The following SLC33A1 variants were observed in gnomAD, a reference collection of about 807,000 sequenced individuals.
The protein encoded by SLC33A1 is solute carrier family 33 member 1, also known as acetyl-coenzyme A transporter 1.
Under a neutral mutation model 50.0 loss-of-function variants are expected in SLC33A1, and 20 were observed. The observed-to-expected ratio is 0.40, with a 90% CI of 0.28 to 0.58. The LOEUF is 0.58. SLC33A1 is among the 20% of genes least tolerant of loss of function. SLC33A1 has a pLI of 0.44. For synonymous variants in SLC33A1, 265 were observed against 251.8 expected (o/e 1.05, Z -0.50); for missense variants, 476 against 657.0 (o/e 0.72, Z 3.01).
intron 1 of SLC33A1, among the ~76,000 whole-genome samples, chr3:155,843,326 G>A (rs916917315): frequency 1.3e-5 from 2 of 152,046 alleles, no homozygotes; most frequent in African/African-American, 2.4e-5. Flanking sequence ...TTGACAACAG[G>A]TGATTATTTA....
chr3:155,824,471 C>T lies in SLC33A1; in HGVS notation c.*3739G>A, dbSNP rs1330335661. 2 of 152,204 alleles carry T rather than the reference C, an allele frequency of 1.3e-5. No individual in the cohort carries two copies. Among genetic ancestry groups the T allele is most frequent in the Non-Finnish European group, 2.9e-5 (2 of 68,026 alleles). 9.4% of individuals were successfully genotyped at this position (152,204 alleles called of 1,614,324 possible). On this transcript the variant is annotated 3_prime_UTR_variant, in exon 6 of 6. Coordinates refer to ENST00000643144, the MANE Select transcript of SLC33A1 (RefSeq NM_004733.4). ...AAAAAAGGTTAAATCATGAAGATTT[C>T]TCTTTTGTAGGATATAATTCACCCC...
rs748924826 is a variant in SLC33A1 at position 155,853,492 on chromosome 3, G to C, written c.506C>G (p.Thr169Ser). 9 of 1,613,938 alleles carry C rather than the reference G, an allele frequency of 5.6e-6. No individual in the cohort carries two copies. The East Asian group carries it at 1.6e-4, about 28-fold the overall frequency. Reference sequence around the variant, plus strand: ...AATCACGTCGGGTGTTCTGTCATCGGTATTCCCAAGCAAACGGTCCACCTG... The same window carrying C: ...AATCACGTCGGGTGTTCTGTCATCGCTATTCCCAAGCAAACGGTCCACCTG... ...STQVDRLLGN[T>S]DDRTPDVIAL... is the part of the protein sequence containing the mutation. Residue 169 changes from threonine (T) to serine (S), a missense_variant, in exon 1 of 6, where the codon ACC (threonine) becomes AGC (serine). Coordinates refer to ENST00000643144, the MANE Select transcript of SLC33A1 (RefSeq NM_004733.4).
At position 155,836,280 on chromosome 3, in the gene SLC33A1, C is replaced by CAAAA. The variant is rs57460942; in HGVS notation, c.964-2243_964-2240dup. ...GCCTGGTGACAGAGTGAGACTCTGTCAAAAAAAAAAAAAAAAAAAAAAAAA... is the reference window on the plus strand; with the variant it reads ...GCCTGGTGACAGAGTGAGACTCTGTCAAAAAAAAAAAAAAAAAAAAAAAAAAAAA... On this transcript the variant is annotated intron_variant, in intron 2 of 5. Transcript: ENST00000643144. Among the ~76,000 whole-genome samples the CAAAA allele has an allele frequency of 1.2e-3, 32 of 27,168 alleles. 1 individual carries two copies. The highest frequency in any genetic ancestry group is 1.7e-3 in the Admixed American group (2 of 1,188). 17.8% of individuals were successfully genotyped at this position (27,168 alleles called of 152,430 possible). A position where few individuals can be genotyped will look rare whatever the true frequency, so the allele number is the denominator to read the frequency against.
In SLC33A1 at chr3:155,840,878, G is replaced by A. The variant is rs547170643; in HGVS notation, c.963+1554C>T. Among the ~76,000 whole-genome samples the A allele has an allele frequency of 2.2e-3, 336 of 152,164 alleles. 3 individuals are homozygous for A. The highest frequency in any genetic ancestry group is 3.8e-3 in the Non-Finnish European group (259 of 67,982). ...GTGCACACTGTGGTCCCAGCTGCCCGGGAGACTGAGGCAGGAGAATCGCTT... is the reference window on the plus strand; with the variant it reads ...GTGCACACTGTGGTCCCAGCTGCCCAGGAGACTGAGGCAGGAGAATCGCTT... On this transcript the variant is annotated intron_variant, in intron 2 of 5. Coordinates refer to ENST00000643144, the MANE Select transcript of SLC33A1 (RefSeq NM_004733.4).
chr3:155,851,456 T>G (rs1348579431), intron 1 of SLC33A1, among the ~76,000 whole-genome samples: 1 of 151,780 alleles, frequency 6.6e-6, no homozygotes, highest in East Asian at 1.9e-4. Flanking sequence ...CTTGCTGTAT[T>G]GCCCAAGCTG....
intron 4 of SLC33A1, among the ~76,000 whole-genome samples, chr3:155,832,148 C>T (rs543513192): frequency 5.9e-5 from 9 of 151,640 alleles, no homozygotes; most frequent in African/African-American, 2.2e-4. Context: ...GAGGCTGAGG[C>T]GGGTGGATCA....
intron 1 of SLC33A1, among the ~76,000 whole-genome samples, chr3:155,843,836 C>T (rs1475901394): frequency 6.6e-6 from 1 of 152,152 alleles, no homozygotes; most frequent in Non-Finnish European, 1.5e-5. Context: ...TCTCATTAAC[C>T]ACCCTGAGAA....
chr3:155,832,550 G>A (rs1381550812), intron 4 of SLC33A1, among the ~76,000 whole-genome samples: 5 of 150,438 alleles, frequency 3.3e-5, no homozygotes, highest in African/African-American at 7.3e-5. Context: ...AGCCAGGGCC[G>A]GGTATGGTGG....
At chr3:155,847,725 G>A (rs1753229593) in intron 1 of SLC33A1, among the ~76,000 whole-genome samples, 2 of 151,668 alleles carry the variant, frequency 1.3e-5, no homozygotes, top group South Asian at 4.2e-4. Flanking sequence ...TCCAGCCTGG[G>A]TGACAAGTGC....
At chr3:155,837,662 G>A (rs950190522) in intron 2 of SLC33A1, among the ~76,000 whole-genome samples, 10 of 151,998 alleles carry the variant, frequency 6.6e-5, no homozygotes, top group East Asian at 3.9e-4. Flanking sequence ...TCCATACAAC[G>A]GAATACTATA....
In SLC33A1 at chr3:155,824,963, C is replaced by T. The variant is rs576789883; in HGVS notation, c.*3247G>A. 2.0e-5 allele frequency: 3 copies of T among 152,222 alleles called. No homozygotes were observed. Among genetic ancestry groups the T allele is most frequent in the East Asian group, 1.9e-4 (1 of 5,188 alleles). 9.4% of individuals were successfully genotyped at this position (152,222 alleles called of 1,614,324 possible). A position where few individuals can be genotyped will look rare whatever the true frequency, so the allele number is the denominator to read the frequency against. On this transcript the variant is annotated 3_prime_UTR_variant, in exon 6 of 6. Transcript: ENST00000643144. The stretch of plus-strand genomic sequence containing the variant: ...TAAAATATTTATCATGGGCAGGGCA[C>T]GGTGGCTTACACCTGTAATCCCAGC...
In SLC33A1 at chr3:155,834,008, G is replaced by T. The variant is rs932881485; in HGVS notation, c.997C>A (p.Leu333Met). The T allele has an allele frequency of 6.2e-7, 1 of 1,613,864 alleles. No homozygotes were observed. Among genetic ancestry groups the T allele is most frequent in the Non-Finnish European group, 8.5e-7 (1 of 1,179,866 alleles). Residue 333 changes from leucine (L) to methionine (M), a missense_variant, in exon 3 of 6, where the codon CTG becomes ATG. Physicochemically the swap from Leu to Met is conservative, Grantham distance 15. Transcript: ENST00000643144. ...GGTACTCCCTCTTCTACCAATTTCA[G>T]TCCTGTTACAGCATCTGCTGCTGAA... The part of the protein sequence containing the change: ...GFSAADAVTG[L>M]KLVEEGVPKE...
intron 2 of SLC33A1, among the ~76,000 whole-genome samples, chr3:155,839,373 CAAA>C (rs1198585213): frequency 1.1e-4 from 2 of 18,298 alleles, no homozygotes; most frequent in South Asian, 3.9e-3. Context: ...GACTCTGTCT[CAAA>C]AAAAAAAAAA....
Position 155,854,228 on chromosome 3 carries a change from C to T in SLC33A1, c.-231G>A. The T allele has an allele frequency of 2.5e-6, 1 of 399,534 alleles. No individual in the cohort carries two copies. The highest frequency in any genetic ancestry group is 4.0e-5 in the Admixed American group (1 of 25,018). The allele number at this position is 399,534 out of a possible 1,614,324, so 24.7% of individuals were successfully genotyped here. A position where few individuals can be genotyped will look rare whatever the true frequency, so the allele number is the denominator to read the frequency against. On this transcript the variant is annotated 5_prime_UTR_variant, in exon 1 of 6. Transcript: ENST00000643144. ...ATGCCTGGATAGGTGCCCCCTGGAA[C>T]GGCGTCAAAGAGCCTGAAGGAGACC...
chr3:155,833,749 TTCAAA>T, intron 3 of SLC33A1, 103 bp downstream of exon 3: 1 of 1,049,388 alleles, frequency 9.5e-7, no homozygotes, highest in East Asian at 2.5e-5. Flanking sequence ...AAAGATGCTT[TTCAAA>T]TCTTTTTCCA....
At chr3:155,841,898 C>T (rs1752952162) in intron 2 of SLC33A1, among the ~76,000 whole-genome samples, 1 of 152,072 alleles carries the variant, frequency 6.6e-6, no homozygotes, top group East Asian at 1.9e-4. Context: ...AAGGCACGTG[C>T]CACCATGACC....
At chr3:155,843,245 A>AT (rs1753001648) in intron 1 of SLC33A1, among the ~76,000 whole-genome samples, 1 of 152,104 alleles carries the variant, frequency 6.6e-6, no homozygotes, top group East Asian at 1.9e-4. Flanking sequence ...GTGGGAAATG[A>AT]TTTTCATATC....
chr3:155,852,834 G>A (rs1016510403), intron 1 of SLC33A1, among the ~76,000 whole-genome samples: 10 of 152,152 alleles, frequency 6.6e-5, no homozygotes, highest in African/African-American at 2.2e-4. Flanking sequence ...TGGATTCTGG[G>A]TACAACGGTA....
At chr3:155,836,842 T>C (rs1752700721) in intron 2 of SLC33A1, among the ~76,000 whole-genome samples, 1 of 151,976 alleles carries the variant, frequency 6.6e-6, no homozygotes, top group South Asian at 2.1e-4. Context: ...CAATGAGCTG[T>C]GATGGTGCCA....
Sources: allele counts gnomAD v4.1 joint callset (sites outside exome capture counted in the v4.1 genomes callset), GRCh38; gene constraint gnomAD v4.1.1; transcripts MANE v1.5; gene names NCBI Gene and HGNC (gene_info 2026-07-23, HGNC 2026-07-21).